The following SPAG16 variants were observed in gnomAD, a reference collection of about 807,000 sequenced individuals.
SPAG16 encodes the protein sperm-associated antigen 16 protein.
SPAG16 carries 86 observed loss-of-function variants against 80.4 expected under a neutral mutation model. The observed-to-expected ratio is 1.07, with a 90% CI of 0.90 to 1.28. The LOEUF (loss-of-function observed/expected upper bound fraction) is 1.28. SPAG16 is among the 50% of genes most tolerant of loss of function. SPAG16 has a pLI of 0.00. For synonymous variants in SPAG16, 294 were observed against 265.9 expected, an observed-to-expected ratio of 1.11 and a Z score of -1.03; for missense variants, 870 against 765.3, an observed-to-expected ratio of 1.14 and a Z score of -1.61.
chr2:213,745,242 A>G (rs2067763436), intron 10 of SPAG16, among the ~76,000 whole-genome samples: 1 of 151,966 alleles, frequency 6.6e-6, no homozygotes, highest in African/African-American at 2.4e-5. Flanking sequence ...ATATGTAGCT[A>G]TTTATTTTTT....
chr2:214,083,022 T>C (rs1348700961), intron 13 of SPAG16, among the ~76,000 whole-genome samples: 4 of 152,216 alleles, frequency 2.6e-5, no homozygotes, highest in Admixed American at 6.5e-5. Context: ...AAATTTTTTA[T>C]TTTGACCCTA....
chr2:213,878,537 G>C (rs2076225821), intron 11 of SPAG16, among the ~76,000 whole-genome samples: 1 of 151,914 alleles, frequency 6.6e-6, no homozygotes, highest in African/African-American at 2.4e-5. Context: ...TGAGTTCCTT[G>C]TAAATTCTGG....
rs575772035 is a variant in SPAG16 at position 213,720,721 on chromosome 2, A to G, written c.1071-141764A>G. 6.0e-5 allele frequency among the ~76,000 whole-genome samples: 9 copies of G among 150,980 alleles called. No homozygotes were observed. The East Asian group carries it at 7.8e-4, about 13-fold the overall frequency. On this transcript the variant is annotated intron_variant, in intron 10 of 15. Coordinates refer to ENST00000331683, the MANE Select transcript of SPAG16 (RefSeq NM_024532.5). The stretch of plus-strand genomic sequence containing the variant: ...GGGATATATTCACATCATGTAGCCA[A>G]GTGCCTGGCCGAAGTAAGTCCTTTT...
At chr2:213,490,619 A>G (rs2074195477) in intron 10 of SPAG16, among the ~76,000 whole-genome samples, 1 of 152,140 alleles carries the variant, frequency 6.6e-6, no homozygotes, top group African/African-American at 2.4e-5. Context: ...TAAAATGGAG[A>G]GTATTTTTAT....
At chr2:213,412,303 A>G (rs1047794013) in intron 9 of SPAG16, among the ~76,000 whole-genome samples, 2 of 152,222 alleles carry the variant, frequency 1.3e-5, no homozygotes, top group African/African-American at 4.8e-5. Flanking sequence ...TAGGGGAACA[A>G]CACAGCAGCA....
intron 9 of SPAG16, among the ~76,000 whole-genome samples, chr2:213,467,473 G>C (rs2072763561): frequency 6.6e-6 from 1 of 152,142 alleles, no homozygotes; most frequent in South Asian, 2.1e-4. Context: ...TAAGCAAGAG[G>C]TTTCCCCAAC....
intron 13 of SPAG16, among the ~76,000 whole-genome samples, chr2:214,077,129 C>A (rs185027307): frequency 3.3e-5 from 5 of 152,226 alleles, no homozygotes; most frequent in Admixed American, 3.3e-4. Flanking sequence ...AGTTTGATTA[C>A]ATGTACAAAT....
At chr2:213,632,100 T>C (rs970301270) in intron 10 of SPAG16, among the ~76,000 whole-genome samples, 13 of 152,190 alleles carry the variant, frequency 8.5e-5, no homozygotes, top group Non-Finnish European at 1.6e-4. Context: ...ATACTGATTC[T>C]TCTAATCTAT....
chr2:214,258,471 G>GTATATATATATATATATATATA (rs146532641), intron 15 of SPAG16, among the ~76,000 whole-genome samples: 8 of 141,414 alleles, frequency 5.7e-5, no homozygotes, highest in Admixed American at 1.4e-4. Context: ...ATGTGTGTGT[G>GTATATATATATATATATATATA]TATATATATA....
chr2:213,639,145 TGAGTCTTTTGAA>T (rs1218453416), intron 10 of SPAG16, among the ~76,000 whole-genome samples: 2 of 152,334 alleles, frequency 1.3e-5, no homozygotes, highest in African/African-American at 2.4e-5. Context: ...ATGTGTTAGA[TGAGTCTTTTGAA>T]GACAGAGGAT....
At chr2:213,711,374 AC>A (rs2065977566) in intron 10 of SPAG16, among the ~76,000 whole-genome samples, 1 of 152,166 alleles carries the variant, frequency 6.6e-6, no homozygotes, top group African/African-American at 2.4e-5. Context: ...ATGCATGTTT[AC>A]ATAAGACGTT....
In SPAG16 at chr2:213,381,132, T is replaced by C. The variant is rs145634391; in HGVS notation, c.942+6013T>C. Among the ~76,000 whole-genome samples, 26 of 152,330 alleles carry C rather than the reference T, an allele frequency of 1.7e-4. 1 individual carries two copies. Among genetic ancestry groups the C allele is most frequent in the Non-Finnish European group, 2.5e-4 (17 of 68,036 alleles). Reference sequence around the variant, plus strand: ...AACACTGTTGATCAGAAGGCTATGATAAGCCCCTAATTTAGCTGTTAGATG... The same window carrying C: ...AACACTGTTGATCAGAAGGCTATGACAAGCCCCTAATTTAGCTGTTAGATG... On this transcript the variant is annotated intron_variant, in intron 9 of 15. Coordinates refer to ENST00000331683, the MANE Select transcript of SPAG16 (RefSeq NM_024532.5).
chr2:213,577,925 C>T (rs563873012), intron 10 of SPAG16, among the ~76,000 whole-genome samples: 1 of 152,170 alleles, frequency 6.6e-6, no homozygotes, highest in East Asian at 1.9e-4. Flanking sequence ...TATGTTTGCT[C>T]TATCCAGCCT....
At chr2:213,372,535 T>C (rs1339168012) in intron 8 of SPAG16, among the ~76,000 whole-genome samples, 1 of 152,152 alleles carries the variant, frequency 6.6e-6, no homozygotes, top group African/African-American at 2.4e-5. Context: ...AGAATTGCAT[T>C]ATGAGATGCC....
At chr2:213,944,073 A>C (rs1029700864) in intron 12 of SPAG16, among the ~76,000 whole-genome samples, 1 of 152,246 alleles carries the variant, frequency 6.6e-6, no homozygotes, top group Non-Finnish European at 1.5e-5. Context: ...CCAAAGGTCC[A>C]GAGTGTATGG....
intron 9 of SPAG16, among the ~76,000 whole-genome samples, chr2:213,387,661 G>A (rs373925083): frequency 0.093 from 13,970 of 149,468 alleles, 1,692 homozygotes; most frequent in African/African-American, 0.28. Flanking sequence ...TCACCATTTT[G>A]GCCGGGATGG....
intron 15 of SPAG16, among the ~76,000 whole-genome samples, chr2:214,201,267 G>A (rs1400270133): frequency 6.6e-6 from 1 of 152,118 alleles, no homozygotes; most frequent in African/African-American, 2.4e-5. Flanking sequence ...CTTTCGATTA[G>A]TTTCTTAAAA....
intron 15 of SPAG16, among the ~76,000 whole-genome samples, chr2:214,278,055 C>T (rs558372742): frequency 3.9e-5 from 6 of 152,142 alleles, no homozygotes; most frequent in Admixed American, 1.3e-4. Flanking sequence ...CCTCGCAGGT[C>T]GCAGGTCAAT....
At chr2:213,531,933 A>C (rs1032520597) in intron 10 of SPAG16, among the ~76,000 whole-genome samples, 1 of 152,152 alleles carries the variant, frequency 6.6e-6, no homozygotes, top group Non-Finnish European at 1.5e-5. Flanking sequence ...TGTATCTTGT[A>C]TATGTACAGA....
Sources: gnomAD v4.1 joint callset for allele counts (sites outside exome capture counted in the v4.1 genomes callset) on GRCh38, gnomAD v4.1.1 for gene constraint, MANE v1.5 for transcripts, NCBI Gene and HGNC (gene_info 2026-07-23, HGNC 2026-07-21) for gene names.